The following AATK variants were observed in gnomAD, a reference collection of about 807,000 sequenced individuals.
The protein encoded by AATK is lemur tail kinase 1, also known as serine/threonine-protein kinase LMTK1.
A neutral mutation model predicts 114.3 loss-of-function variants in AATK; 91 were observed. The observed-to-expected ratio is 0.80, with a 90% CI of 0.67 to 0.95. The LOEUF (loss-of-function observed/expected upper bound fraction) is 0.95. Ranked by LOEUF, AATK falls within the 40% of genes least tolerant of loss-of-function variation. The probability of loss-of-function intolerance (pLI) is 0.00; values close to 1 mark genes in which losing one functional copy is unlikely to be tolerated. For synonymous variants in AATK, 1,075 were observed against 916.5 expected, an observed-to-expected ratio of 1.17 and a Z score of -3.12; for missense variants, 2,176 against 1,965.2, an observed-to-expected ratio of 1.11 and a Z score of -2.03.
rs1433700049 is a variant in AATK, at chr17:81,160,404, G to A, written c.55+5534C>T. The A allele has an allele frequency of 8.0e-5, 17 of 212,396 alleles. No homozygotes were observed. The South Asian group carries it at 1.1e-3, about 14-fold the overall frequency. 13.2% of individuals were successfully genotyped at this position (212,396 alleles called of 1,614,324 possible). A position where few individuals can be genotyped will look rare whatever the true frequency, so the allele number is the denominator to read the frequency against. ...AGACCCGGCGAGGACGCCGCCTCCC[G>A]TGACAGTTCTCAGAGGTGCCTGGGA... On this transcript the variant is annotated intron_variant, in intron 1 of 13. Transcript: ENST00000326724.
chr17:81,119,055 G>A (rs937891670), intron 13 of AATK, among the ~76,000 whole-genome samples: 6 of 152,186 alleles, frequency 3.9e-5, no homozygotes, highest in Non-Finnish European at 5.9e-5. Flanking sequence ...ACTTCTGGCT[G>A]GGAAGGTTCC....
At chr17:81,124,651 A>G in intron 9 of AATK, 76 bp downstream of exon 9, 2 of 1,580,716 alleles carry the variant, frequency 1.3e-6, no homozygotes, top group Non-Finnish European at 1.7e-6. Flanking sequence ...CTCACTACTC[A>G]TGGCCATGAT....
Position 81,121,578 on chromosome 17 carries a change from A to C in AATK, c.2358T>G (p.Ala786=). The change falls in exon 11 of 14, where the codon GCT becomes GCG. Residue 786 remains alanine, a synonymous_variant. Transcript: ENST00000326724. ...GCAGGCGGGGTCCGGTAGTGCCCTC[A>C]GCCTCCGTGGCAAGCTTGGGCTCTG... ...PQAEPKLATE[A]EGTTGPRLPL... 1.3e-6 allele frequency: 2 copies of C among 1,510,010 alleles called. No homozygotes were observed. 93.5% of individuals were successfully genotyped at this position (1,510,010 alleles called of 1,614,324 possible). A position where few individuals can be genotyped will look rare whatever the true frequency, so the allele number is the denominator to read the frequency against.
At position 81,131,175 on chromosome 17, in the gene AATK, C is replaced by T. The variant is rs767109622; in HGVS notation, c.220G>A (p.Ala74Thr). The T allele has an allele frequency of 1.1e-5, 18 of 1,580,478 alleles. No homozygotes were observed. Among genetic ancestry groups the T allele is most frequent in the African/African-American group, 1.3e-5 (1 of 74,324 alleles). Residue 74 changes from alanine to threonine, a missense_variant, in exon 3 of 14, where the codon GCA becomes ACA. By Grantham distance (58) the Ala-to-Thr change is moderately conservative (BLOSUM62 0). This residue lies in a region of AATK where 178 missense variants were observed against 175.4 expected (regional missense o/e 1.01). Coordinates refer to ENST00000326724, the MANE Select transcript of AATK (RefSeq NM_001080395.3). ...EFENAEGDEY[A>T]ADLAQGSPAT... ...GGGGAGCCCTGCGCCAGGTCGGCTG[C>T]GTACTCGTCCCCCTCCGCATTCTCA... is the stretch of plus-strand genomic sequence containing the variant.
chr17:81,140,755 C>T (rs796835730), intron 1 of AATK, among the ~76,000 whole-genome samples: 65 of 51,750 alleles, frequency 1.3e-3, no homozygotes, highest in South Asian at 4.8e-3. Context: ...ACCGTGGGGC[C>T]GTGAGCCGTG....
Position 81,133,641 on chromosome 17 carries a change from C to A in AATK, c.189+727G>T, listed in dbSNP as rs536609971. Among the ~76,000 whole-genome samples the A allele has an allele frequency of 7.2e-4, 110 of 152,264 alleles. 1 individual carries two copies. Among genetic ancestry groups the A allele is most frequent in the African/African-American group, 2.4e-3 (98 of 41,552 alleles). ...CCATGGAGACTCTGGGAGGGGGAGG[C>A]GATGCTGGCCGGGGTTCCTTCTGCC... On this transcript the variant is annotated intron_variant, in intron 2 of 13. Transcript: ENST00000326724.
chr17:81,119,508 G>C lies in AATK; in HGVS notation c.3956C>G (p.Pro1319Arg). 1 of 1,528,812 alleles carries C rather than the reference G, an allele frequency of 6.5e-7. No homozygotes were observed. The highest frequency in any genetic ancestry group is 2.5e-5 in the East Asian group (1 of 40,210). 94.7% of individuals were successfully genotyped at this position (1,528,812 alleles called of 1,614,324 possible). Residue 1319 changes from proline (P) to arginine (R), a missense_variant, in exon 13 of 14, where the codon CCG (proline) becomes CGG (arginine). By Grantham distance (103) the Pro-to-Arg change is moderately radical (BLOSUM62 -2). Coordinates refer to ENST00000326724, the MANE Select transcript of AATK (RefSeq NM_001080395.3). ...AKAAFAMALD[P>R]AAPAPAAPTP... Reference sequence around the variant, plus strand: ...GGGCGCAGCCGGGGCGGGTGCGGCCGGGTCTAGGGCCATGGCGAAGGCTGC... The same window carrying C: ...GGGCGCAGCCGGGGCGGGTGCGGCCCGGTCTAGGGCCATGGCGAAGGCTGC...
At chr17:81,160,811 G>A (rs1289249776) in intron 1 of AATK, among the ~76,000 whole-genome samples, 1 of 152,246 alleles carries the variant, frequency 6.6e-6, no homozygotes, top group East Asian at 1.9e-4. Context: ...AGAACCCCGT[G>A]AGCTGGAGAC....
At chr17:81,127,272 C>G (rs1339876238) in intron 6 of AATK, among the ~76,000 whole-genome samples, 2 of 152,134 alleles carry the variant, frequency 1.3e-5, no homozygotes, top group East Asian at 3.9e-4. Context: ...CAGTGCCCCC[C>G]CCCAGTTGGC....
At position 81,127,797 on chromosome 17, in the gene AATK, G is replaced by A. The variant is rs188168228; in HGVS notation, c.528C>T (p.Pro176=). 2.6e-4 allele frequency: 398 copies of A among 1,520,102 alleles called. 2 individuals are homozygous for A. In the African/African-American group the frequency reaches 5.0e-3, roughly 19 times the overall value. 94.2% of individuals were successfully genotyped at this position (1,520,102 alleles called of 1,614,324 possible). A position where few individuals can be genotyped will look rare whatever the true frequency, so the allele number is the denominator to read the frequency against. ...EQMQFLEEVQ[P]YRALKHSNLL... ...TGTGCCCGGTGGCCTCCCACCTGTAGGGCTGCACCTCCTCCAGGAACTGCA... is the reference window on the plus strand; with the variant it reads ...TGTGCCCGGTGGCCTCCCACCTGTAAGGCTGCACCTCCTCCAGGAACTGCA... Residue 176 remains proline (P), a synonymous_variant, in exon 5 of 14, where the codon CCC becomes CCT. Transcript: ENST00000326724.
At chr17:81,158,304 G>A (rs2061391274) in intron 1 of AATK, among the ~76,000 whole-genome samples, 1 of 152,210 alleles carries the variant, frequency 6.6e-6, no homozygotes, top group South Asian at 2.1e-4. Flanking sequence ...CCTGGGGCCA[G>A]GAGCTGCTTT....
At chr17:81,148,502 C>T (rs112965932) in intron 1 of AATK, among the ~76,000 whole-genome samples, 1,546 of 152,356 alleles carry the variant, frequency 0.01, 33 homozygotes, top group African/African-American at 0.035. Context: ...AGGGAACGTC[C>T]GCTGGACCAG....
intron 1 of AATK, among the ~76,000 whole-genome samples, chr17:81,163,689 C>A (rs1295799967): frequency 1.3e-5 from 2 of 152,212 alleles, no homozygotes; most frequent in African/African-American, 4.8e-5. Flanking sequence ...CTGCCTGGTG[C>A]GGAAGGTCAG....
chr17:81,140,943 G>A (rs925489313), intron 1 of AATK, among the ~76,000 whole-genome samples: 58 of 133,644 alleles, frequency 4.3e-4, no homozygotes, highest in African/African-American at 1.5e-3. Context: ...CCATGGGGCC[G>A]TGAGCCGTGG....
intron 12 of AATK, 26 bp from the exon 13 acceptor site, chr17:81,119,606 C>A (rs369815462): frequency 1.9e-6 from 3 of 1,538,698 alleles, no homozygotes; most frequent in African/African-American, 1.4e-5. Context: ...CGGCGTCACT[C>A]GCGCTCACAG....
chr17:81,128,341 T>C, intron 4 of AATK, 129 bp downstream of exon 4: 1 of 1,189,390 alleles, frequency 8.4e-7, no homozygotes, highest in Non-Finnish European at 1.2e-6. Context: ...TGGGGAAGGG[T>C]CCAGCAGGGC....
intron 13 of AATK, 47 bp from the exon 14 acceptor site, chr17:81,118,489 G>A: frequency 1.3e-6 from 2 of 1,587,608 alleles, no homozygotes; most frequent in Middle Eastern, 1.7e-4. Context: ...GAGACACCAG[G>A]GCTGCCTCCC....
At chr17:81,129,277 G>A (rs1258545306) in intron 3 of AATK, among the ~76,000 whole-genome samples, 10 of 152,210 alleles carry the variant, frequency 6.6e-5, no homozygotes, top group African/African-American at 1.9e-4. Flanking sequence ...ATGTAGAGGC[G>A]GGGCAGGGCA....
In AATK at chr17:81,126,614, G is replaced by T. The variant is rs189994142; in HGVS notation, c.622-54C>A. 8,975 of 1,511,250 alleles carry T rather than the reference G, an allele frequency of 5.9e-3. 35 individuals are homozygous for T. The highest frequency in any genetic ancestry group is 6.6e-3 in the Non-Finnish European group (7,427 of 1,121,830). 93.6% of individuals were successfully genotyped at this position (1,511,250 alleles called of 1,614,324 possible). On this transcript the variant is annotated intron_variant, in intron 6 of 13. Transcript: ENST00000326724. This position sits in a 1 kb window ranked among gnomAD's most constrained non-coding sequence, Gnocchi z 5.1. The stretch of plus-strand genomic sequence containing the variant: ...CAGCAGGCTGGGGGCTGGCCACCCT[G>T]GGAGGTCCCCACCTACCTCCCCAAC...
Sources: allele counts gnomAD v4.1 joint callset (sites outside exome capture counted in the v4.1 genomes callset), GRCh38; gene constraint gnomAD v4.1.1; regional missense constraint gnomAD v4.1.1; non-coding constraint Gnocchi (gnomAD v3.1); transcripts MANE v1.5; gene names NCBI Gene and HGNC (gene_info 2026-07-23, HGNC 2026-07-21).